The following PARD3B variants were observed in gnomAD, a reference collection of about 807,000 sequenced individuals.
The protein encoded by PARD3B is par-3 family cell polarity regulator beta.
A neutral mutation model predicts 130.2 loss-of-function variants in PARD3B; 103 were observed. The observed-to-expected ratio is 0.79, with a 90% confidence interval of 0.67 to 0.93. The LOEUF (loss-of-function observed/expected upper bound fraction) is 0.93, where lower values mean the gene tolerates loss of function less well. PARD3B is among the 40% of genes least tolerant of loss of function. The pLI, the probability that PARD3B is intolerant of heterozygous loss-of-function variation, is 0.00. For missense variants in PARD3B, 1,609 were observed against 1,499.2 expected (o/e 1.07, Z -1.21); for synonymous variants, 583 against 553.2 (o/e 1.05, Z -0.76).
intron 1 of PARD3B, among the ~76,000 whole-genome samples, chr2:204,635,468 G>T (rs1204314638): frequency 6.6e-6 from 1 of 152,130 alleles, no homozygotes; most frequent in Non-Finnish European, 1.5e-5. Flanking sequence ...TTTTCTATTT[G>T]CAGACTCTTC....
chr2:205,438,976 TCCCAATTGAAATTG>T (rs1575024135), intron 19 of PARD3B, among the ~76,000 whole-genome samples: 1 of 152,266 alleles, frequency 6.6e-6, no homozygotes, highest in East Asian at 1.9e-4. Flanking sequence ...GCTTTTTGCT[TCCCAATTGAAATTG>T]CCCAATTTCT....
intron 2 of PARD3B, among the ~76,000 whole-genome samples, chr2:204,771,268 A>C (rs1361439277): frequency 6.6e-6 from 1 of 151,940 alleles, no homozygotes; most frequent in South Asian, 2.1e-4. Flanking sequence ...GTGTGTAAGC[A>C]TGTCTTGGGT....
intron 10 of PARD3B, among the ~76,000 whole-genome samples, chr2:205,133,039 A>T (rs1406145865): frequency 6.6e-6 from 1 of 152,134 alleles, no homozygotes; most frequent in Non-Finnish European, 1.5e-5. Context: ...GTATATTATT[A>T]TCCTGTACAA....
At chr2:205,231,329 A>ATT (rs770873231) in intron 15 of PARD3B, among the ~76,000 whole-genome samples, 4,407 of 141,630 alleles carry the variant, frequency 0.031, 74 homozygotes, top group Middle Eastern at 0.044. Flanking sequence ...TAGATTAACT[A>ATT]TTTTTTTTTT....
intron 18 of PARD3B, among the ~76,000 whole-genome samples, chr2:205,340,841 G>A (rs549782337): frequency 2.6e-5 from 4 of 151,974 alleles, no homozygotes; most frequent in Non-Finnish European, 5.9e-5. Context: ...TTTACAAACT[G>A]TTCATCCAAC....
At chr2:204,855,865 T>G (rs1025588511) in intron 2 of PARD3B, among the ~76,000 whole-genome samples, 16 of 152,140 alleles carry the variant, frequency 1.1e-4, no homozygotes, top group African/African-American at 3.9e-4. Flanking sequence ...ATCTATGTTG[T>G]CCCAAAGGAT....
intron 18 of PARD3B, among the ~76,000 whole-genome samples, chr2:205,382,210 G>A (rs2045477569): frequency 6.6e-6 from 1 of 152,012 alleles, no homozygotes; most frequent in African/African-American, 2.4e-5. Context: ...GGTCCCCTGT[G>A]CTAGCTATGT....
chr2:204,963,533 A>G (rs1184035777), intron 2 of PARD3B, among the ~76,000 whole-genome samples: 2 of 152,176 alleles, frequency 1.3e-5, no homozygotes, highest in African/African-American at 4.8e-5. Context: ...TTACTAATAT[A>G]TGTTAGAATT....
intron 18 of PARD3B, among the ~76,000 whole-genome samples, chr2:205,322,994 T>A (rs569482543): frequency 7.3e-6 from 1 of 137,394 alleles, no homozygotes; most frequent in Admixed American, 8.1e-5. Context: ...CACTGCAGTT[T>A]CCGCCTCCTG....
At chr2:204,913,106 A>C (rs761719772) in intron 2 of PARD3B, among the ~76,000 whole-genome samples, 4 of 152,246 alleles carry the variant, frequency 2.6e-5, no homozygotes, top group Non-Finnish European at 5.9e-5. Flanking sequence ...TAATATGTTC[A>C]CAGGAGACAC....
At chr2:205,574,054 T>C (rs1334009807) in intron 22 of PARD3B, among the ~76,000 whole-genome samples, 1 of 152,160 alleles carries the variant, frequency 6.6e-6, no homozygotes, top group Non-Finnish European at 1.5e-5. Flanking sequence ...AGCAAAAATG[T>C]CCTTAAAGAT....
intron 15 of PARD3B, among the ~76,000 whole-genome samples, chr2:205,194,950 A>ATTTTTTTTT (rs56836818): frequency 5.0e-4 from 56 of 111,204 alleles, no homozygotes; most frequent in Non-Finnish European, 6.4e-4. Flanking sequence ...CGCCAGGCTA[A>ATTTTTTTTT]TTTTTTTTTT....
chr2:204,588,824 A>G (rs969474870), intron 1 of PARD3B, among the ~76,000 whole-genome samples: 8 of 152,162 alleles, frequency 5.3e-5, no homozygotes, highest in Non-Finnish European at 8.8e-5. Flanking sequence ...TTCCCGTTCA[A>G]TGCAGAAGTC....
At chr2:205,001,353 CTCTT>C (rs1194375690) in intron 3 of PARD3B, among the ~76,000 whole-genome samples, 2 of 152,226 alleles carry the variant, frequency 1.3e-5, no homozygotes, top group African/African-American at 4.8e-5. Flanking sequence ...GGGATCCTAA[CTCTT>C]TCTTTGGTTC....
intron 4 of PARD3B, among the ~76,000 whole-genome samples, chr2:205,103,330 C>CATATTTTATTTATGTAAAATAAAT (rs1559439731): frequency 1.1e-5 from 1 of 91,342 alleles, no homozygotes; most frequent in Non-Finnish European, 2.2e-5. Flanking sequence ...GTAAAATAAA[C>CATATTTTATTTATGTAAAATAAAT]ATATTTTTAT....
At chr2:205,267,666 T>C (rs1188433935) in intron 16 of PARD3B, among the ~76,000 whole-genome samples, 3 of 152,180 alleles carry the variant, frequency 2.0e-5, no homozygotes, top group Non-Finnish European at 4.4e-5. Context: ...ATGAGGTGAC[T>C]TTAATCTCAC....
intron 21 of PARD3B, among the ~76,000 whole-genome samples, chr2:205,501,494 A>G (rs1488904242): frequency 2.0e-5 from 3 of 152,194 alleles, no homozygotes; most frequent in African/African-American, 7.2e-5. Context: ...AGATCGATTT[A>G]CTGCCTCTGA....
chr2:204,731,350 A>G (rs956826341), intron 2 of PARD3B, among the ~76,000 whole-genome samples: 10 of 152,228 alleles, frequency 6.6e-5, no homozygotes, highest in East Asian at 1.9e-4. Context: ...GAGTCTTGCA[A>G]CAACCTGTGT....
intron 3 of PARD3B, among the ~76,000 whole-genome samples, chr2:205,007,638 G>T (rs964051779): frequency 6.6e-6 from 1 of 152,090 alleles, no homozygotes; most frequent in Non-Finnish European, 1.5e-5. Flanking sequence ...CTCCAGATTT[G>T]TTCTTTTGAC....
Sources: gnomAD v4.1 joint callset for allele counts (sites outside exome capture counted in the v4.1 genomes callset) on GRCh38, gnomAD v4.1.1 for gene constraint, MANE v1.5 for transcripts, NCBI Gene and HGNC (gene_info 2026-07-23, HGNC 2026-07-21) for gene names.